The following STRC variants were observed in gnomAD, a reference collection of about 807,000 sequenced individuals.
STRC encodes the protein stereocilin.
STRC carries 43 observed loss-of-function variants against 103.5 expected under a neutral mutation model. That is an observed-to-expected ratio of 0.42 (90% CI 0.33 to 0.54). STRC has a LOEUF of 0.54. Among genes scored for constraint, STRC ranks in the 20% least tolerant of loss-of-function variants. STRC has a pLI of 0.14. For missense variants in STRC, 499 were observed against 1,088.5 expected, an observed-to-expected ratio of 0.46 and a Z score of 7.62; for synonymous variants, 186 against 442.3, an observed-to-expected ratio of 0.42 and a Z score of 7.27.
In STRC at chr15:43,604,356, C is replaced by T. The variant is rs2085696802; in HGVS notation, c.4218+5G>A. 1 of 1,564,686 alleles carries T rather than the reference C, an allele frequency of 6.4e-7. No homozygotes were observed. The highest frequency in any genetic ancestry group is 1.2e-5 in the South Asian group (1 of 86,176). On this transcript the variant is annotated splice_donor_5th_base_variant and intron_variant, in intron 21 of 28. Coordinates refer to ENST00000450892, the MANE Select transcript of STRC (RefSeq NM_153700.2). ...TTACTCCCTTCCCTTCTTCCTTCATCTCACCCTGGGGATCAAGGAAATTGC... is the reference window on the plus strand; with the variant it reads ...TTACTCCCTTCCCTTCTTCCTTCATTTCACCCTGGGGATCAAGGAAATTGC...
At chr15:43,608,013 G>A (rs779830743) in intron 17 of STRC, 38 bp from the exon 18 acceptor site, 5 of 1,611,006 alleles carry the variant, frequency 3.1e-6, no homozygotes, top group Non-Finnish European at 4.2e-6. Context: ...CAGAACATAG[G>A]AGCTGGGTTC....
intron 19 of STRC, 53 bp from the exon 20 acceptor site, chr15:43,604,899 A>C: frequency 6.4e-7 from 1 of 1,566,722 alleles, no homozygotes; most frequent in Non-Finnish European, 8.7e-7. Flanking sequence ...AGAATACCAG[A>C]CACCTTGATC....
chr15:43,604,824 G>A lies in STRC; in HGVS notation c.3953C>T (p.Ser1318Leu). Residue 1318 changes from serine to leucine, a missense_variant, in exon 20 of 29, where the codon TCA (serine) becomes TTA (leucine). Coordinates refer to ENST00000450892, the MANE Select transcript of STRC (RefSeq NM_153700.2). ...QNLAPKETPV[S>L]GEVLETLGPL... ...GCCTAAGGTCTCCAGCACTTCCCCT[G>A]AGACTGGAGTCTCCTTTGGAGCCTG... 1 of 1,611,998 alleles carries A rather than the reference G, an allele frequency of 6.2e-7. No homozygotes were observed. Among genetic ancestry groups the A allele is most frequent in the Non-Finnish European group, 8.5e-7 (1 of 1,178,820 alleles).
Position 43,600,571 on chromosome 15 carries a change from C to G in STRC, c.4956G>C (p.Trp1652Cys), listed in dbSNP as rs767260013. The G allele has an allele frequency of 4.3e-6, 7 of 1,613,472 alleles. No individual in the cohort carries two copies. In the Admixed American group the frequency reaches 5.0e-5, roughly 12 times the overall value. ...CAATTTCAGTGAAGATCTCAGGCCC[C>G]CAGTTACTGATTGGGCCAAACCCAC... ...LPGGFGPISNWGPEIFTEIGT... is the reference protein window; with the variant it reads ...LPGGFGPISNCGPEIFTEIGT... Residue 1652 changes from tryptophan to cysteine, a missense_variant, in exon 26 of 29, where the codon TGG becomes TGC. By Grantham distance (215) the Trp-to-Cys change is radical. Coordinates refer to ENST00000450892, the MANE Select transcript of STRC (RefSeq NM_153700.2).
rs556988243 is a variant in STRC, at chr15:43,600,579, T to C, written c.4948A>G (p.Ser1650Gly). Reference sequence around the variant, plus strand: ...GTGAAGATCTCAGGCCCCCAGTTACTGATTGGGCCAAACCCACCAGGCAGT... The same window carrying C: ...GTGAAGATCTCAGGCCCCCAGTTACCGATTGGGCCAAACCCACCAGGCAGT... ...LVLPGGFGPISNWGPEIFTEI... is the reference protein window; with the variant it reads ...LVLPGGFGPIGNWGPEIFTEI... Residue 1650 changes from serine to glycine, a missense_variant, in exon 26 of 29, where the codon AGT becomes GGT. Physicochemically the swap from Ser to Gly is moderately conservative, Grantham distance 56. Coordinates refer to ENST00000450892, the MANE Select transcript of STRC (RefSeq NM_153700.2). 1 of 1,613,084 alleles carries C rather than the reference T, an allele frequency of 6.2e-7. No individual in the cohort carries two copies. The highest frequency in any genetic ancestry group is 8.5e-7 in the Non-Finnish European group (1 of 1,179,670).
Position 43,605,396 on chromosome 15 carries a change from G to C in STRC, c.3798C>G (p.Ile1266Met). ...CATTGGATAGTCTGTCCATCAACTG[G>C]ATCCTATTACAGCAATTTGACAACA... ...LDSKLLLDLP[I>M]QLMDRLSNES... Residue 1266 changes from isoleucine to methionine, a missense_variant, in exon 19 of 29, where the codon ATC becomes ATG. Coordinates refer to ENST00000450892, the MANE Select transcript of STRC (RefSeq NM_153700.2). 1.9e-6 allele frequency: 3 copies of C among 1,601,700 alleles called. 1 individual carries two copies. Among genetic ancestry groups the C allele is most frequent in the Non-Finnish European group, 2.6e-6 (3 of 1,173,050 alleles).
intron 22 of STRC, 25 bp downstream of exon 22, chr15:43,603,971 C>T (rs1202539885): frequency 6.2e-7 from 1 of 1,612,406 alleles, no homozygotes; most frequent in Non-Finnish European, 8.5e-7. Context: ...TCCTGCTGGA[C>T]ATATAAGTAT....
Position 43,601,397 on chromosome 15 carries a change from T to C in STRC, c.4700A>G (p.Gln1567Arg). 2.5e-6 allele frequency: 4 copies of C among 1,613,314 alleles called. No homozygotes were observed. The East Asian group carries it at 6.7e-5, about 27-fold the overall frequency. ...LGQIDGWSTTQLRIVVSSFLR... is the reference protein window; with the variant it reads ...LGQIDGWSTTRLRIVVSSFLR... The stretch of plus-strand genomic sequence containing the variant: ...CGTAGGGAGGAGGAAAAGTGTTACC[T>C]GAGTGGTGCTCCAGCCATCTATCTG... The change falls in exon 24 of 29, where the codon CAG (glutamine) becomes CGG (arginine). Residue 1567 changes from glutamine (Q) to arginine (R), a missense_variant and splice_region_variant. Coordinates refer to ENST00000450892, the MANE Select transcript of STRC (RefSeq NM_153700.2).
At chr15:43,608,047 T>C (rs1420595196) in intron 17 of STRC, 33 bp downstream of exon 17, 1 of 1,610,870 alleles carries the variant, frequency 6.2e-7, no homozygotes, top group African/African-American at 1.4e-5. Flanking sequence ...CCAGCCTCCC[T>C]GCTCCCACTA....
chr15:43,608,146 G>A lies in STRC; in HGVS notation c.3615C>T (p.Ser1205=). Residue 1205 remains serine, a synonymous_variant, in exon 17 of 29, where the codon TCC becomes TCT. Transcript: ENST00000450892. ...MSCEFLQQIN[S]MVDFLEVVHM... ...GCACCACTTCAAGGAAGTCTACCAT[G>A]GAGTTGATCTGCTGCAGAAACTCAC... 6.2e-7 allele frequency: 1 copy of A among 1,606,038 alleles called. No individual in the cohort carries two copies. Among genetic ancestry groups the A allele is most frequent in the South Asian group, 1.1e-5 (1 of 90,820 alleles).
chr15:43,609,359 C>T (rs951755645), intron 15 of STRC, 25 bp from the exon 16 acceptor site: 1 of 1,599,962 alleles, frequency 6.3e-7, no homozygotes, highest in Admixed American at 1.7e-5. Context: ...AAGACGAGCC[C>T]CTTCCCAGAA....
intron 23 of STRC, among the ~76,000 whole-genome samples, chr15:43,602,166 C>G (rs1468848404): frequency 7.0e-6 from 1 of 142,914 alleles, no homozygotes; most frequent in Non-Finnish European, 1.5e-5. Flanking sequence ...GATGTCTAGA[C>G]TCTTTCCCCC....
chr15:43,608,496 C>T (rs971712424), intron 16 of STRC, among the ~76,000 whole-genome samples: 4 of 141,344 alleles, frequency 2.8e-5, no homozygotes, highest in African/African-American at 5.4e-5. Context: ...GAGGCTGAGG[C>T]GGGTGGATCA....
chr15:43,608,804 T>C (rs1403426827), intron 16 of STRC, among the ~76,000 whole-genome samples: 1 of 150,130 alleles, frequency 6.7e-6, no homozygotes, highest in Non-Finnish European at 1.5e-5. Flanking sequence ...TTCTTATTCC[T>C]ATTTATTCTT....
At position 43,601,555 on chromosome 15, in the gene STRC, G is replaced by T. The variant is rs1158877322; in HGVS notation, c.4546-4C>A. 2 of 1,613,606 alleles carry T rather than the reference G, an allele frequency of 1.2e-6. No individual in the cohort carries two copies. Among genetic ancestry groups the T allele is most frequent in the Admixed American group, 1.7e-5 (1 of 59,986 alleles). ...ATCCCCGGGGGGGACCCCACAACTA[G>T]GAGAAAGACAGGAACAATGTGAGTG... On this transcript the variant is annotated splice_region_variant and splice_polypyrimidine_tract_variant and intron_variant, in intron 23 of 28. Transcript: ENST00000450892.
intron 25 of STRC, 42 bp downstream of exon 25, chr15:43,600,830 C>T (rs763385671): frequency 1.2e-6 from 2 of 1,613,722 alleles, no homozygotes; most frequent in Non-Finnish European, 1.7e-6. Flanking sequence ...GTAAGTCCAC[C>T]TTTACCTCAG....
At chr15:43,605,068 T>A (rs1408831670) in intron 19 of STRC, 196 bp downstream of exon 19, 1 of 960,018 alleles carries the variant, frequency 1.0e-6, no homozygotes, top group Non-Finnish European at 1.6e-6. Context: ...CTCCAAGAGG[T>A]ATGGACAAGT....
intron 18 of STRC, among the ~76,000 whole-genome samples, chr15:43,606,376 C>T (rs1273820897): frequency 8.8e-6 from 1 of 113,230 alleles, no homozygotes; most frequent in Non-Finnish European, 1.8e-5. Flanking sequence ...CCGAGGCAGG[C>T]AGATCACAGG....
intron 23 of STRC, among the ~76,000 whole-genome samples, 169 bp downstream of exon 23, chr15:43,603,073 C>T (rs1191451318): frequency 6.6e-6 from 1 of 151,994 alleles, no homozygotes; most frequent in African/African-American, 2.4e-5. Context: ...TACTAGCTCT[C>T]TTTCCTCAAT....
Sources: gnomAD v4.1 joint callset for allele counts (sites outside exome capture counted in the v4.1 genomes callset) on GRCh38, gnomAD v4.1.1 for gene constraint, MANE v1.5 for transcripts, NCBI Gene and HGNC (gene_info 2026-07-23, HGNC 2026-07-21) for gene names.